The following EPHA6 variants were observed in gnomAD, a reference collection of about 807,000 sequenced individuals.
EPHA6 encodes EPH receptor A6.
EPHA6 carries 50 observed loss-of-function variants against 112.0 expected under a neutral mutation model. The ratio of observed to expected loss-of-function variants is 0.45; its 90% CI spans 0.36 to 0.56. EPHA6 has a LOEUF of 0.56. Among genes scored for constraint, EPHA6 ranks in the 20% least tolerant of loss-of-function variants. The pLI is 0.00. For synonymous variants in EPHA6, 529 were observed against 490.7 expected (o/e 1.08, Z -1.03); for missense variants, 1,280 against 1,417.4 (o/e 0.90, Z 1.56).
chr3:96,922,945 T>C (rs925766319), intron 2 of EPHA6, among the ~76,000 whole-genome samples: 4 of 152,112 alleles, frequency 2.6e-5, no homozygotes, highest in Non-Finnish European at 5.9e-5. Context: ...CCAATTCCAT[T>C]CATGTCTTTG....
intron 2 of EPHA6, among the ~76,000 whole-genome samples, chr3:96,917,949 T>C (rs753920272): frequency 6.6e-6 from 1 of 152,144 alleles, no homozygotes; most frequent in African/African-American, 2.4e-5. Context: ...ATTTGAAAGA[T>C]GGACTCTAAG....
intron 2 of EPHA6, among the ~76,000 whole-genome samples, chr3:96,937,726 T>A (rs1029352525): frequency 6.6e-6 from 1 of 152,232 alleles, no homozygotes; most frequent in Admixed American, 6.5e-5. Context: ...TCTTCTAGGG[T>A]TTTTATGGTT....
At chr3:96,948,818 C>T (rs984684995) in intron 2 of EPHA6, among the ~76,000 whole-genome samples, 1 of 151,946 alleles carries the variant, frequency 6.6e-6, no homozygotes, top group African/African-American at 2.4e-5. Flanking sequence ...TATTGATGTA[C>T]CAGAGAATTG....
chr3:97,012,295 CT>C, intron 3 of EPHA6, among the ~76,000 whole-genome samples: 1 of 150,970 alleles, frequency 6.6e-6, no homozygotes, highest in South Asian at 2.1e-4. Context: ...TTTCCCTTTT[CT>C]TTGCAGCCTC....
At chr3:97,357,390 C>A (rs553570772) in intron 5 of EPHA6, among the ~76,000 whole-genome samples, 14 of 152,100 alleles carry the variant, frequency 9.2e-5, no homozygotes, top group African/African-American at 3.4e-4. Flanking sequence ...TATAGTAGAA[C>A]CGGGTTTCAC....
chr3:97,709,568 C>T (rs1056773728), intron 14 of EPHA6, among the ~76,000 whole-genome samples: 8 of 152,184 alleles, frequency 5.3e-5, no homozygotes, highest in African/African-American at 9.7e-5. Flanking sequence ...GTTACAACTT[C>T]GAGTGACTAT....
At chr3:97,401,189 C>T (rs1340027013) in intron 5 of EPHA6, among the ~76,000 whole-genome samples, 2 of 151,414 alleles carry the variant, frequency 1.3e-5, no homozygotes, top group African/African-American at 2.4e-5. Context: ...TATTTTTGTC[C>T]TTCATTCTGT....
chr3:97,613,770 C>A (rs547436803), intron 13 of EPHA6, among the ~76,000 whole-genome samples: 1 of 152,326 alleles, frequency 6.6e-6, no homozygotes, highest in South Asian at 2.1e-4. Context: ...CCAGAAGGCA[C>A]AACTTCACCA....
intron 12 of EPHA6, among the ~76,000 whole-genome samples, chr3:97,603,194 C>T (rs1196280979): frequency 6.6e-6 from 1 of 151,916 alleles, no homozygotes; most frequent in East Asian, 1.9e-4. Flanking sequence ...GTTAACAAGA[C>T]ACTTTTAGTT....
At chr3:96,836,030 A>G (rs1344026823) in intron 1 of EPHA6, among the ~76,000 whole-genome samples, 1 of 152,114 alleles carries the variant, frequency 6.6e-6, no homozygotes, top group Non-Finnish European at 1.5e-5. Flanking sequence ...TGGTTTATGT[A>G]GGAAGAAACT....
At chr3:96,892,645 G>A (rs1177759473) in intron 2 of EPHA6, among the ~76,000 whole-genome samples, 2 of 151,544 alleles carry the variant, frequency 1.3e-5, no homozygotes, top group Non-Finnish European at 2.9e-5. Context: ...CCCAAATCTC[G>A]GAATCTACTT....
At chr3:97,561,518 AG>A (rs2093192191) in intron 11 of EPHA6, among the ~76,000 whole-genome samples, 1 of 152,052 alleles carries the variant, frequency 6.6e-6, no homozygotes, top group South Asian at 2.1e-4. Context: ...ATGAGGGCTG[AG>A]AGAGTTGAAG....
At chr3:97,166,416 T>TG (rs201398497) in intron 3 of EPHA6, among the ~76,000 whole-genome samples, 1 of 151,792 alleles carries the variant, frequency 6.6e-6, no homozygotes, top group Admixed American at 6.6e-5. Context: ...TCTATGATGT[T>TG]GGGGGGTGGG....
intron 5 of EPHA6, among the ~76,000 whole-genome samples, chr3:97,246,096 T>C (rs116798106): frequency 6.0e-4 from 92 of 152,132 alleles, no homozygotes; most frequent in African/African-American, 2.1e-3. Flanking sequence ...TTCTCTTTTC[T>C]TTTCCTCTTT....
At chr3:97,385,217 ATATTTAAGAATTATATTCAAGGGTCT>A (rs981143082) in intron 5 of EPHA6, among the ~76,000 whole-genome samples, 5 of 152,290 alleles carry the variant, frequency 3.3e-5, no homozygotes, top group African/African-American at 1.2e-4. Flanking sequence ...ACCAAGAAAG[ATATTTAAGAATTATATTCAAGGGTCT>A]TATTTAAGTA....
chr3:97,483,534 C>T (rs1056241944), intron 9 of EPHA6, among the ~76,000 whole-genome samples: 1 of 152,162 alleles, frequency 6.6e-6, no homozygotes, highest in Non-Finnish European at 1.5e-5. Flanking sequence ...CCGTAGAGTA[C>T]AAAGAGTCCA....
rs768129232 is a variant in EPHA6 at position 97,759,707 on chromosome 3, G to GT, written c.*11015dup. The GT allele has an allele frequency of 5.3e-4, 120 of 225,660 alleles. No homozygotes were observed. The highest frequency in any genetic ancestry group is 2.6e-3 in the Middle Eastern group (2 of 772). The allele number at this position is 225,660 out of a possible 1,614,324, so 14.0% of individuals were successfully genotyped here. On this transcript the variant is annotated 3_prime_UTR_variant, in exon 18 of 18. Coordinates refer to ENST00000389672, the MANE Select transcript of EPHA6 (RefSeq NM_001080448.3). ...GAAAGGGAAGGATGTCACTACGTAA[G>GT]TTTTTTTTTAATTTTACCAAGAATG...
chr3:97,121,513 A>T (rs1488574770), intron 3 of EPHA6, among the ~76,000 whole-genome samples: 3 of 152,188 alleles, frequency 2.0e-5, no homozygotes, highest in African/African-American at 7.2e-5. Flanking sequence ...TTTCTGGTGG[A>T]TCCAGTTGAA....
chr3:97,668,941 A>G (rs1429766459), intron 14 of EPHA6, among the ~76,000 whole-genome samples: 3 of 149,326 alleles, frequency 2.0e-5, no homozygotes, highest in African/African-American at 7.4e-5. Flanking sequence ...AAAAAAAAAA[A>G]AAATCCACTA....
Sources: gnomAD v4.1 joint callset for allele counts (sites outside exome capture counted in the v4.1 genomes callset) on GRCh38, gnomAD v4.1.1 for gene constraint, MANE v1.5 for transcripts, NCBI Gene and HGNC (gene_info 2026-07-23, HGNC 2026-07-21) for gene names.